Variants in SLC35F1 observed in about 807,000 individuals in gnomAD.
SLC35F1 encodes the protein solute carrier family 35 member F1, also known as chromosome 6 open reading frame 169.
SLC35F1 carries 14 observed loss-of-function variants against 48.7 expected under a neutral mutation model. The observed-to-expected ratio is 0.29, with a 90% CI of 0.19 to 0.45. SLC35F1 has a LOEUF of 0.45. Among genes scored for constraint, SLC35F1 ranks in the 20% least tolerant of loss-of-function variants. SLC35F1 has a pLI of 1.00. For missense variants in SLC35F1, 404 were observed against 500.0 expected, an observed-to-expected ratio of 0.81 and a Z score of 1.83; for synonymous variants, 190 against 202.2, an observed-to-expected ratio of 0.94 and a Z score of 0.51.
intron 2 of SLC35F1, among the ~76,000 whole-genome samples, chr6:118,167,495 A>G (rs539344561): frequency 6.6e-6 from 1 of 152,320 alleles, no homozygotes; most frequent in South Asian, 2.1e-4. Flanking sequence ...TACTTACTGT[A>G]CCAAATACTG....
chr6:118,293,980 G>A (rs17337979), intron 7 of SLC35F1, among the ~76,000 whole-genome samples: 27 of 152,204 alleles, frequency 1.8e-4, no homozygotes, highest in African/African-American at 6.5e-4. Context: ...AAGTTATTTG[G>A]GCCAGTTACT....
chr6:117,991,947 G>C (rs1776924673), intron 1 of SLC35F1, among the ~76,000 whole-genome samples: 1 of 151,696 alleles, frequency 6.6e-6, no homozygotes, highest in Non-Finnish European at 1.5e-5. Flanking sequence ...TCTATATTAA[G>C]GATATCAAAT....
At chr6:118,286,581 G>A (rs997486705) in intron 7 of SLC35F1, among the ~76,000 whole-genome samples, 4 of 152,142 alleles carry the variant, frequency 2.6e-5, no homozygotes, top group African/African-American at 9.7e-5. Flanking sequence ...AGTTGAGAAA[G>A]TGGCTGTGAC....
intron 1 of SLC35F1, among the ~76,000 whole-genome samples, chr6:118,051,039 G>A (rs766692347): frequency 6.6e-6 from 1 of 152,028 alleles, no homozygotes; most frequent in African/African-American, 2.4e-5. Context: ...TACAAAAATT[G>A]TACATACTTC....
chr6:117,912,738 A>C (rs1775778386), intron 1 of SLC35F1, among the ~76,000 whole-genome samples: 1 of 152,226 alleles, frequency 6.6e-6, no homozygotes, highest in South Asian at 2.1e-4. Flanking sequence ...CAAAATTATA[A>C]AAATAAATGA....
intron 3 of SLC35F1, among the ~76,000 whole-genome samples, chr6:118,240,361 C>T (rs7760967): frequency 6.6e-6 from 1 of 152,316 alleles, no homozygotes; most frequent in Non-Finnish European, 1.5e-5. Context: ...GTGGGTATAA[C>T]TTTGCATATG....
chr6:117,951,655 T>C (rs1776364188), intron 1 of SLC35F1, among the ~76,000 whole-genome samples: 2 of 152,178 alleles, frequency 1.3e-5, no homozygotes. Context: ...TTGAAAGAAG[T>C]GTTAACCAGT....
At chr6:118,095,714 T>C (rs1381797014) in intron 1 of SLC35F1, among the ~76,000 whole-genome samples, 1 of 152,100 alleles carries the variant, frequency 6.6e-6, no homozygotes. Context: ...AATAGGGCAC[T>C]CAGGGGCTCA....
rs1438636761 is a variant in SLC35F1 at position 118,275,560 on chromosome 6, G to A, written c.739G>A (p.Val247Met). Reference sequence around the variant, plus strand: ...ATACATCATCCGAACTCTGAGCCGAGTGGAATTCCTGGGAATGATTGGTCT... The same window carrying A: ...ATACATCATCCGAACTCTGAGCCGAATGGAATTCCTGGGAATGATTGGTCT... ...EEYIIRTLSR[V>M]EFLGMIGLFG... Residue 247 changes from valine to methionine, a missense_variant, in exon 5 of 8, where the codon GTG (valine) becomes ATG (methionine). Around this residue, in one of 2 missense-constraint regions of SLC35F1, gnomAD observed 306 missense variants for 419.1 expected, o/e 0.73. Transcript: ENST00000360388. 6.2e-7 allele frequency: 1 copy of A among 1,613,922 alleles called. No individual in the cohort carries two copies. The highest frequency in any genetic ancestry group is 8.5e-7 in the Non-Finnish European group (1 of 1,179,934).
intron 1 of SLC35F1, among the ~76,000 whole-genome samples, chr6:118,140,338 A>G (rs1271435674): frequency 6.6e-6 from 1 of 152,224 alleles, no homozygotes; most frequent in East Asian, 1.9e-4. Flanking sequence ...TAAGATTTTA[A>G]TGGAGCTAAG....
chr6:117,959,179 C>A (rs971836833), intron 1 of SLC35F1, among the ~76,000 whole-genome samples: 2 of 152,138 alleles, frequency 1.3e-5, no homozygotes, highest in African/African-American at 2.4e-5. Flanking sequence ...CATGCATGTT[C>A]CCTTGAACAG....
chr6:118,240,281 G>A (rs1484338021), intron 3 of SLC35F1, among the ~76,000 whole-genome samples: 2 of 152,210 alleles, frequency 1.3e-5, no homozygotes, highest in African/African-American at 4.8e-5. Context: ...GATGATAGTT[G>A]AAGAAAAGTC....
chr6:118,291,263 AC>A, intron 7 of SLC35F1, among the ~76,000 whole-genome samples: 1 of 151,734 alleles, frequency 6.6e-6, no homozygotes, highest in South Asian at 2.1e-4. Context: ...ACACACACAC[AC>A]ACACACACAC....
At chr6:118,177,184 G>T (rs930832212) in intron 2 of SLC35F1, among the ~76,000 whole-genome samples, 4 of 151,930 alleles carry the variant, frequency 2.6e-5, no homozygotes, top group African/African-American at 9.7e-5. Context: ...TTTCTTGATA[G>T]GTCCTATTTT....
intron 2 of SLC35F1, among the ~76,000 whole-genome samples, chr6:118,223,535 A>C (rs1775178549): frequency 6.6e-6 from 1 of 152,186 alleles, no homozygotes; most frequent in Non-Finnish European, 1.5e-5. Context: ...ATAGGGTGGT[A>C]ATTACATGAG....
At chr6:118,049,318 G>A (rs992282728) in intron 1 of SLC35F1, among the ~76,000 whole-genome samples, 39 of 151,914 alleles carry the variant, frequency 2.6e-4, no homozygotes, top group Admixed American at 2.5e-3. Flanking sequence ...GGACTTCATG[G>A]CTAAAACACC....
At chr6:118,257,413 T>C (rs1173819448) in intron 3 of SLC35F1, among the ~76,000 whole-genome samples, 11 of 152,172 alleles carry the variant, frequency 7.2e-5, no homozygotes, top group Admixed American at 7.2e-4. Context: ...TCCCCCAGGA[T>C]ATCTGGCTAA....
chr6:118,028,180 A>G (rs1220436746), intron 1 of SLC35F1, among the ~76,000 whole-genome samples: 4 of 152,148 alleles, frequency 2.6e-5, no homozygotes, highest in Non-Finnish European at 5.9e-5. Flanking sequence ...CTGTTAATGC[A>G]TCTAGGGGAG....
At chr6:118,237,415 G>A (rs1005000476) in intron 3 of SLC35F1, among the ~76,000 whole-genome samples, 1 of 150,036 alleles carries the variant, frequency 6.7e-6, no homozygotes, top group Non-Finnish European at 1.5e-5. Context: ...TTTTTCCTTT[G>A]TCTCACTTTG....
Sources: allele counts gnomAD v4.1 joint callset (sites outside exome capture counted in the v4.1 genomes callset), GRCh38; gene constraint gnomAD v4.1.1; regional missense constraint gnomAD v4.1.1; transcripts MANE v1.5; gene names NCBI Gene and HGNC (gene_info 2026-07-23, HGNC 2026-07-21).